Variants in NBN observed in about 807,000 individuals in gnomAD.
NBN encodes the protein Nijmegen breakage syndrome 1 (nibrin).
A neutral mutation model predicts 90.8 loss-of-function variants in NBN; 88 were observed. That is an observed-to-expected ratio of 0.97 (90% CI 0.82 to 1.16). NBN has a LOEUF of 1.16. Ranked by LOEUF, NBN falls within the 50% of genes most tolerant of loss-of-function variation. NBN has a pLI of 0.00. For missense variants in NBN, 894 were observed against 869.6 expected (o/e 1.03, Z -0.35); for synonymous variants, 328 against 295.1 (o/e 1.11, Z -1.14).
intron 10 of NBN, 63 bp from the exon 11 acceptor site, chr8:89,953,754 A>C (rs1358121538): frequency 2.3e-6 from 3 of 1,315,322 alleles, no homozygotes; most frequent in Non-Finnish European, 3.2e-6. Context: ...GTAACCATTT[A>C]GTTTGGCAAT....
intron 8 of NBN, among the ~76,000 whole-genome samples, chr8:89,962,767 T>G (rs1238383885): frequency 2.2e-5 from 3 of 134,958 alleles, no homozygotes; most frequent in Non-Finnish European, 3.3e-5. Context: ...AGGGTAGAGA[T>G]GTCAGCTGAA....
intron 7 of NBN, among the ~76,000 whole-genome samples, chr8:89,968,937 T>C (rs1206333755): frequency 2.0e-5 from 3 of 152,216 alleles, no homozygotes; most frequent in African/African-American, 7.2e-5. Flanking sequence ...TATCTTCTTT[T>C]TTACAGTAGT....
chr8:89,939,804 T>G (rs1055704798), intron 14 of NBN, among the ~76,000 whole-genome samples: 8 of 152,180 alleles, frequency 5.3e-5, no homozygotes, highest in Non-Finnish European at 7.3e-5. Flanking sequence ...ACCAAACACA[T>G]AGGCTCCAAG....
intron 14 of NBN, among the ~76,000 whole-genome samples, chr8:89,941,095 A>G (rs1364033776): frequency 6.6e-6 from 1 of 152,198 alleles, no homozygotes; most frequent in Admixed American, 6.5e-5. Context: ...GACAAAGGTA[A>G]TCCAATGAAA....
intron 14 of NBN, among the ~76,000 whole-genome samples, chr8:89,940,170 T>C (rs763842079): frequency 1.3e-5 from 2 of 152,098 alleles, no homozygotes; most frequent in Non-Finnish European, 2.9e-5. Flanking sequence ...ACTGCAACCT[T>C]AACCTCCCAG....
intron 5 of NBN, among the ~76,000 whole-genome samples, chr8:89,974,804 G>C (rs887189203): frequency 6.6e-6 from 1 of 152,170 alleles, no homozygotes; most frequent in Admixed American, 6.5e-5. Flanking sequence ...TTGAGAAATG[G>C]TCTGTGTAAA....
At chr8:89,953,842 C>T (rs1429883446) in intron 10 of NBN, 151 bp from the exon 11 acceptor site, 8 of 683,394 alleles carry the variant, frequency 1.2e-5, no homozygotes, top group African/African-American at 7.2e-5. Flanking sequence ...ACAAATAGAC[C>T]TTTGAAAACA....
At position 89,982,865 on chromosome 8, in the gene NBN, A is replaced by G. The variant is rs556807466; in HGVS notation, c.38-10T>C. 3 of 1,610,290 alleles carry G rather than the reference A, an allele frequency of 1.9e-6. No homozygotes were observed. Among genetic ancestry groups the G allele is most frequent in the Non-Finnish European group, 2.5e-6 (3 of 1,177,276 alleles). On this transcript the variant is annotated splice_polypyrimidine_tract_variant and intron_variant, in intron 1 of 15. Transcript: ENST00000265433. ...AGTCTGTATGGTTCTCCTGAGATAAATTTTTTTTTAAAAAAAGATAAGTTG... is the reference window on the plus strand; with the variant it reads ...AGTCTGTATGGTTCTCCTGAGATAAGTTTTTTTTTAAAAAAAGATAAGTTG...
intron 9 of NBN, among the ~76,000 whole-genome samples, chr8:89,957,930 G>A (rs1433697528): frequency 2.0e-5 from 3 of 151,968 alleles, no homozygotes; most frequent in Non-Finnish European, 2.9e-5. Context: ...TTATTATTAC[G>A]TTGTAATATA....
At chr8:89,955,182 C>T (rs1037441353) in intron 10 of NBN, 101 bp downstream of exon 10, 65 of 1,162,830 alleles carry the variant, frequency 5.6e-5, no homozygotes, top group Non-Finnish European at 7.8e-5. Context: ...GCAGCAGAAG[C>T]ATACTTAATC....
rs1194033281 is a variant in NBN at position 89,934,107 on chromosome 8, C to G, written c.*1475G>C. On this transcript the variant is annotated 3_prime_UTR_variant, in exon 16 of 16. Transcript: ENST00000265433. ...GGGCATGACAGAGAACAATATTAAT[C>G]TGTCCATTATATTCCTTAACTGTAA... 1 of 230,262 alleles carries G rather than the reference C, an allele frequency of 4.3e-6. No individual in the cohort carries two copies. The highest frequency in any genetic ancestry group is 8.6e-6 in the Non-Finnish European group (1 of 116,338). The allele number at this position is 230,262 out of a possible 1,614,324, so 14.3% of individuals were successfully genotyped here. A position where few individuals can be genotyped will look rare whatever the true frequency, so the allele number is the denominator to read the frequency against.
rs1226079640 is a variant in NBN at position 89,971,389 on chromosome 8, CATA to C, written c.585-102_585-100del. Reference sequence around the variant, plus strand: ...TCTGACACTCAAAAGGCATAATTTCCATAATACCTTTATAGTATTTTTTTTAAG... The same window carrying C: ...TCTGACACTCAAAAGGCATAATTTCCATACCTTTATAGTATTTTTTTTAAG... On this transcript the variant is annotated intron_variant, in intron 5 of 15. Coordinates refer to ENST00000265433, the MANE Select transcript of NBN (RefSeq NM_002485.5). The C allele has an allele frequency of 4.5e-6, 6 of 1,323,402 alleles. No individual in the cohort carries two copies. The African/African-American group carries it at 9.0e-5, about 20-fold the overall frequency. The allele number at this position is 1,323,402 out of a possible 1,614,324, so 82.0% of individuals were successfully genotyped here. A position where few individuals can be genotyped will look rare whatever the true frequency, so the allele number is the denominator to read the frequency against.
intron 2 of NBN, chr8:89,981,933 G>C (rs1446561177): frequency 8.8e-7 from 1 of 1,134,862 alleles, no homozygotes; most frequent in African/African-American, 1.7e-5. Context: ...CGAGGTTATA[G>C]GCTAGTGTTT....
rs1811491723 is a variant in NBN, at chr8:89,971,073, A to G, written c.702+100T>C. The G allele has an allele frequency of 3.2e-5, 43 of 1,340,028 alleles. No individual in the cohort carries two copies. In the South Asian group the frequency reaches 5.2e-4, roughly 16 times the overall value. The allele number at this position is 1,340,028 out of a possible 1,614,324, so 83.0% of individuals were successfully genotyped here. A position where few individuals can be genotyped will look rare whatever the true frequency, so the allele number is the denominator to read the frequency against. Reference sequence around the variant, plus strand: ...ATTCTACTTCACACTTTTACACAAAATCCCAAAATGAAATACGTTAACAAC... The same window carrying G: ...ATTCTACTTCACACTTTTACACAAAGTCCCAAAATGAAATACGTTAACAAC... On this transcript the variant is annotated intron_variant, in intron 6 of 15. Transcript: ENST00000265433.
rs1586034984 is a variant in NBN, at chr8:89,943,256, C to T, written c.2181G>A (p.Met727Ile). 1 of 1,613,662 alleles carries T rather than the reference C, an allele frequency of 6.2e-7. No individual in the cohort carries two copies. ...CTGGGCCTCACTTCCTACTAACCTC[C>T]ATTTCCTGCCTTAGCCACTCTTCTA... is the stretch of plus-strand genomic sequence containing the variant. ...TELEEWLRQE[M>I]EVQNQHAKEE... The change falls in exon 14 of 16, where the codon ATG becomes ATA. Residue 727 changes from methionine (M) to isoleucine (I), a missense_variant. Physicochemically the swap from Met to Ile is conservative, Grantham distance 10 (BLOSUM62 1). Coordinates refer to ENST00000265433, the MANE Select transcript of NBN (RefSeq NM_002485.5).
At chr8:89,970,660 G>C (rs1012417532) in intron 6 of NBN, 103 bp from the exon 7 acceptor site, 1 of 1,165,534 alleles carries the variant, frequency 8.6e-7, no homozygotes, top group Non-Finnish European at 1.2e-6. Flanking sequence ...AGAAGACTTG[G>C]TGCTACTTCT....
chr8:89,970,279 A>T, intron 7 of NBN, 85 bp downstream of exon 7: 1 of 1,210,352 alleles, frequency 8.3e-7, no homozygotes, highest in Non-Finnish European at 1.2e-6. Context: ...ATCTACTTTT[A>T]CATTGTTAGG....
rs141568998 is a variant in NBN, at chr8:89,942,855, A to T, written c.2184+398T>A. Among the ~76,000 whole-genome samples, 1,409 of 152,308 alleles carry T rather than the reference A, an allele frequency of 9.3e-3. 22 individuals carry two copies. Among genetic ancestry groups the T allele is most frequent in the African/African-American group, 0.033 (1,361 of 41,566 alleles). The stretch of plus-strand genomic sequence containing the variant: ...AAAAAGGTAACTAATATTCAAGAGA[A>T]TGAATAAGAAATTTTCAGAATTGTT... On this transcript the variant is annotated intron_variant, in intron 14 of 15. Coordinates refer to ENST00000265433, the MANE Select transcript of NBN (RefSeq NM_002485.5).
At chr8:89,978,129 T>C in intron 5 of NBN, 91 bp downstream of exon 5, 3 of 1,153,822 alleles carry the variant, frequency 2.6e-6, no homozygotes, top group Non-Finnish European at 3.9e-6. Context: ...TATTACATCC[T>C]GAAACAAGCA....
Sources: gnomAD v4.1 joint callset for allele counts (sites outside exome capture counted in the v4.1 genomes callset) on GRCh38, gnomAD v4.1.1 for gene constraint, MANE v1.5 for transcripts, NCBI Gene and HGNC (gene_info 2026-07-23, HGNC 2026-07-21) for gene names.